STXBP2: variants seen among roughly 807,000 people sequenced by gnomAD.
STXBP2 encodes the protein syntaxin-binding protein 2.
A neutral mutation model predicts 72.2 loss-of-function variants in STXBP2; 47 were observed. The ratio of observed to expected loss-of-function variants is 0.65; its 90% CI spans 0.51 to 0.83. The LOEUF (loss-of-function observed/expected upper bound fraction) is 0.83, where lower values mean the gene tolerates loss of function less well. STXBP2 is among the 40% of genes least tolerant of loss of function. The pLI is 0.00. For synonymous variants in STXBP2, 367 were observed against 338.7 expected (o/e 1.08, Z -0.92); for missense variants, 702 against 807.6 (o/e 0.87, Z 1.58).
At chr19:7,640,446 GTGTA>G (rs781299089) in intron 4 of STXBP2, 119 of 656,244 alleles carry the variant, frequency 1.8e-4, no homozygotes, top group Admixed American at 5.7e-4. Flanking sequence ...GTGTGCATGT[GTGTA>G]TGTATGTGTG....
At position 7,641,007 on chromosome 19, in the gene STXBP2, C is replaced by T. The variant is rs756813344; in HGVS notation, c.429+4C>T. 1.6e-5 allele frequency: 26 copies of T among 1,613,862 alleles called. No homozygotes were observed. Among genetic ancestry groups the T allele is most frequent in the Middle Eastern group, 1.6e-4 (1 of 6,082 alleles). On this transcript the variant is annotated splice_donor_region_variant and intron_variant, in intron 6 of 18. Transcript: ENST00000221283. ...CTTCCTCCCCTACGAGGCCCAGGTA[C>T]GGCCCGGGCTCATCCTGGGCAGGGG...
At chr19:7,645,775 TC>T (rs1425499561) in intron 15 of STXBP2, among the ~76,000 whole-genome samples, 1 of 150,098 alleles carries the variant, frequency 6.7e-6, no homozygotes, top group Non-Finnish European at 1.5e-5. Context: ...CCTCACCCCG[TC>T]CCCATCTCTC....
the STXBP2 span, chr19:7,631,391 G>A: frequency 7.8e-7 from 1 of 1,277,244 alleles, no homozygotes; most frequent in Non-Finnish European, 1.1e-6. Flanking sequence ...GGTGGTGGGA[G>A]AGGTGGGCGG....
At chr19:7,632,360 G>A, upstream of STXBP2, 1 of 1,612,346 alleles carries the variant, frequency 6.2e-7, no homozygotes, top group Non-Finnish European at 8.5e-7. The surrounding 1 kb of genome is among the most constrained non-coding windows in gnomAD (Gnocchi z 5.2). Flanking sequence ...TGCCTGGCGG[G>A]TTTCTCCTCG....
At chr19:7,638,605 A>T (rs2146205836) in intron 1 of STXBP2, 121 bp from the exon 2 acceptor site, 14 of 178,292 alleles carry the variant, frequency 7.9e-5, no homozygotes, top group East Asian at 1.7e-4. Flanking sequence ...CTCCTCTCTT[A>T]AAAAAAAAAA....
At position 7,643,291 on chromosome 19, in the gene STXBP2, C is replaced by T. The variant is rs375024658; in HGVS notation, c.1107+46C>T. The stretch of plus-strand genomic sequence containing the variant: ...GGCAGGGGTGATGGTCCTGCCAAGG[C>T]GGGGTATTGGGGAGGGGCTGAACTG... On this transcript the variant is annotated intron_variant, in intron 13 of 18. Coordinates refer to ENST00000221283, the MANE Select transcript of STXBP2 (RefSeq NM_006949.4). 1.1e-4 allele frequency: 114 copies of T among 1,047,284 alleles called. 1 individual carries two copies. The South Asian group carries it at 1.3e-3, about 12-fold the overall frequency. 64.9% of individuals were successfully genotyped at this position (1,047,284 alleles called of 1,614,324 possible). A position where few individuals can be genotyped will look rare whatever the true frequency, so the allele number is the denominator to read the frequency against.
intron 16 of STXBP2, chr19:7,646,783 T>A: frequency 2.5e-6 from 1 of 402,044 alleles, no homozygotes; most frequent in East Asian, 5.3e-5. Flanking sequence ...CCCATGGACC[T>A]TGAATACCTG....
At chr19:7,640,573 C>T (rs900052580) in intron 4 of STXBP2, 158 bp from the exon 5 acceptor site, 1 of 864,112 alleles carries the variant, frequency 1.2e-6, no homozygotes, top group Non-Finnish European at 1.9e-6. Context: ...TGCGCGTGTG[C>T]CCATGTGGGT....
intron 6 of STXBP2, 108 bp downstream of exon 6, chr19:7,641,111 TC>T: frequency 8.3e-7 from 1 of 1,199,470 alleles, no homozygotes; most frequent in Non-Finnish European, 1.2e-6. Context: ...ATACCTGTAA[TC>T]CCAGCGCTGT....
chr19:7,642,475 C>G lies in STXBP2; in HGVS notation c.841C>G (p.Leu281Val), dbSNP rs2031931043. The change falls in exon 10 of 19, where the codon CTG becomes GTG. Residue 281 changes from leucine (L) to valine (V), a missense_variant. Leu to Val is a conservative substitution (Grantham distance 32). Coordinates refer to ENST00000221283, the MANE Select transcript of STXBP2 (RefSeq NM_006949.4). This position sits in a 1 kb window ranked among gnomAD's most constrained non-coding sequence, Gnocchi z 6.0. ...LSEAREKAVLLDEDDDLWVEL... is the reference protein window; with the variant it reads ...LSEAREKAVLVDEDDDLWVEL... ...CGAGGCGCGGGAGAAGGCCGTCTTG[C>G]TGGACGAGGACGATGACTTGTGGGT... The G allele has an allele frequency of 1.2e-6, 2 of 1,614,050 alleles. No homozygotes were observed. The highest frequency in any genetic ancestry group is 2.7e-5 in the African/African-American group (2 of 75,046).
upstream of STXBP2, among the ~76,000 whole-genome samples, chr19:7,635,807 G>A (rs2031507114): frequency 6.6e-6 from 1 of 152,168 alleles, no homozygotes; most frequent in Admixed American, 6.5e-5. Context: ...GTTGCCAACC[G>A]TCCTGGTTTG....
chr19:7,630,034 G>A, the STXBP2 span: 1 of 816,390 alleles, frequency 1.2e-6, no homozygotes, highest in Non-Finnish European at 1.8e-6. Context: ...CTGGGCTGGG[G>A]GGGTTCTCGG....
Position 7,642,631 on chromosome 19 carries a change from T to A in STXBP2, c.902+95T>A. ...CTGGCTGCTGCCAAGTCTTTGGCCC[T>A]CATGAGCACCCCTCGTGTGACTCCA... On this transcript the variant is annotated intron_variant, in intron 10 of 18. Transcript: ENST00000221283. This position sits in a 1 kb window ranked among gnomAD's most constrained non-coding sequence, Gnocchi z 6.0. The A allele has an allele frequency of 6.6e-7, 1 of 1,520,336 alleles. No individual in the cohort carries two copies. The highest frequency in any genetic ancestry group is 9.1e-7 in the Non-Finnish European group (1 of 1,097,690). The allele number at this position is 1,520,336 out of a possible 1,614,324, so 94.2% of individuals were successfully genotyped here. A position where few individuals can be genotyped will look rare whatever the true frequency, so the allele number is the denominator to read the frequency against.
chr19:7,642,753 C>T lies in STXBP2; in HGVS notation c.903-13C>T. On this transcript the variant is annotated splice_polypyrimidine_tract_variant and intron_variant, in intron 10 of 18. Transcript: ENST00000221283. The surrounding 1 kb of genome is among the most constrained non-coding windows in gnomAD (Gnocchi z 6.0). ...CTCCCCTCACTCTCACCCCCGCCCA[C>T]CCTCATGGCCAGGAAGGTCACGGAG... 1.9e-6 allele frequency: 3 copies of T among 1,613,784 alleles called. No homozygotes were observed. Among genetic ancestry groups the T allele is most frequent in the Non-Finnish European group, 2.5e-6 (3 of 1,179,932 alleles).
chr19:7,642,186 C>T lies in STXBP2; in HGVS notation c.664-17C>T. ...CTCAGGGTCAGTGCCTCATTCCTGC[C>T]CTAAACCCCACCCCAGGGCCCAGAG... On this transcript the variant is annotated splice_polypyrimidine_tract_variant and intron_variant, in intron 8 of 18. Transcript: ENST00000221283. The surrounding 1 kb of genome is among the most constrained non-coding windows in gnomAD (Gnocchi z 6.0). 6.2e-7 allele frequency: 1 copy of T among 1,614,098 alleles called. No individual in the cohort carries two copies. Among genetic ancestry groups the T allele is most frequent in the Non-Finnish European group, 8.5e-7 (1 of 1,179,990 alleles).
In STXBP2 at chr19:7,647,460, GC is replaced by G; in HGVS notation, c.1647del (p.Ala550ProfsTer4). 2 of 1,612,338 alleles carry G rather than the reference GC, an allele frequency of 1.2e-6. No homozygotes were observed. Among genetic ancestry groups the G allele is most frequent in the Non-Finnish European group, 1.7e-6 (2 of 1,179,340 alleles). On this transcript the variant is annotated frameshift_variant, in exon 18 of 19. Coordinates refer to ENST00000221283, the MANE Select transcript of STXBP2 (RefSeq NM_006949.4). LOFTEE classifies it high-confidence loss of function. The stretch of plus-strand genomic sequence containing the variant: ...CGGTGTGGCCATGTCAGAGATGAGG[GC>G]CGCCTACGAGGTGACCAGGGCCACC... ...MGGVAMSEMR[A>X]AYEVTRATEG...
At chr19:7,640,275 T>C (rs577108395) in intron 4 of STXBP2, 12 of 554,530 alleles carry the variant, frequency 2.2e-5, no homozygotes, top group African/African-American at 1.9e-4. Context: ...CGTGTATATG[T>C]ATGTGCATCT....
At chr19:7,640,856 T>TG (rs1401370144) in intron 5 of STXBP2, 44 bp from the exon 6 acceptor site, 2 of 1,613,318 alleles carry the variant, frequency 1.2e-6, no homozygotes, top group Non-Finnish European at 1.7e-6. Context: ...CAAGGAGGTG[T>TG]GGGGGCTGCT....
intron 13 of STXBP2, among the ~76,000 whole-genome samples, chr19:7,643,536 A>C (rs1411524272): frequency 1.3e-5 from 2 of 151,748 alleles, no homozygotes; most frequent in Non-Finnish European, 2.9e-5. Flanking sequence ...TGGCCTATTC[A>C]TAGGTGGGTG....
Sources: allele counts gnomAD v4.1 joint callset (sites outside exome capture counted in the v4.1 genomes callset), GRCh38; gene constraint gnomAD v4.1.1; non-coding constraint Gnocchi (gnomAD v3.1); transcripts MANE v1.5; gene names NCBI Gene and HGNC (gene_info 2026-07-23, HGNC 2026-07-21).